YTHDC2: variants seen among roughly 807,000 people sequenced by gnomAD.
YTHDC2 encodes the protein YTH N6-methyladenosine RNA binding protein C2, also known as 3'-5' RNA helicase YTHDC2.
YTHDC2 carries 45 observed loss-of-function variants against 174.9 expected under a neutral mutation model. The observed-to-expected ratio is 0.26, with a 90% confidence interval of 0.20 to 0.33. The LOEUF (loss-of-function observed/expected upper bound fraction) is 0.33. YTHDC2 is among the 10% of genes least tolerant of loss of function. The pLI is 1.00. For missense variants in YTHDC2, 1,650 were observed against 1,723.7 expected (o/e 0.96, Z 0.76); for synonymous variants, 657 against 574.5 (o/e 1.14, Z -2.05).
In YTHDC2 at chr5:113,594,723, CATG is replaced by C. The variant is rs1561721195; in HGVS notation, c.*1252_*1254del. Reference sequence around the variant, plus strand: ...AATAGACAGGTTTGATGGCACTTCTCATGATACATTTTAGTTATTCTTATAAAA... The same window carrying C: ...AATAGACAGGTTTGATGGCACTTCTCATACATTTTAGTTATTCTTATAAAA... On this transcript the variant is annotated 3_prime_UTR_variant, in exon 30 of 30. Transcript: ENST00000161863. The C allele has an allele frequency of 6.6e-6, 1 of 152,146 alleles. No homozygotes were observed. The highest frequency in any genetic ancestry group is 1.5e-5 in the Non-Finnish European group (1 of 68,022). The allele number at this position is 152,146 out of a possible 1,614,324, so 9.4% of individuals were successfully genotyped here.
In YTHDC2 at chr5:113,591,200, A is replaced by G. The variant is rs780887564; in HGVS notation, c.3985A>G (p.Ile1329Val). The change falls in exon 27 of 30, where the codon ATA (isoleucine) becomes GTA (valine). Residue 1329 changes from isoleucine (I) to valine (V), a missense_variant. Transcript: ENST00000161863. ...KLNRAFWESS[I>V]VYLVFSVQGS... ...AAATCGAGCCTTTTGGGAAAGCAGC[A>G]TAGTTTACTTGGTATTTTCTGTTCA... 4 of 1,613,958 alleles carry G rather than the reference A, an allele frequency of 2.5e-6. No homozygotes were observed. Among genetic ancestry groups the G allele is most frequent in the South Asian group, 2.2e-5 (2 of 91,080 alleles).
Position 113,548,549 on chromosome 5 carries a change from A to G in YTHDC2, c.1504A>G (p.Arg502Gly). 1.3e-6 allele frequency: 2 copies of G among 1,595,014 alleles called. No homozygotes were observed. Among genetic ancestry groups the G allele is most frequent in the Non-Finnish European group, 1.7e-6 (2 of 1,174,212 alleles). ...ILTENVSVDYRHSETSATALM... is the reference protein window; with the variant it reads ...ILTENVSVDYGHSETSATALM... Reference sequence around the variant, plus strand: ...TCTTTTCCTTTTTTTAGTTGATTACAGACATAGTGAAACCAGTGCAACAGC... The same window carrying G: ...TCTTTTCCTTTTTTTAGTTGATTACGGACATAGTGAAACCAGTGCAACAGC... The change falls in exon 11 of 30, where the codon AGA (arginine) becomes GGA (glycine). Residue 502 changes from arginine (R) to glycine (G), a missense_variant. This residue lies in a region of YTHDC2 where 411 missense variants were observed against 380.6 expected (regional missense o/e 1.08). Coordinates refer to ENST00000161863, the MANE Select transcript of YTHDC2 (RefSeq NM_022828.5).
At chr5:113,521,820 CAA>C (rs59402463) in intron 2 of YTHDC2, among the ~76,000 whole-genome samples, 4,416 of 118,548 alleles carry the variant, frequency 0.037, 100 homozygotes, top group East Asian at 0.1. Flanking sequence ...GACTCTGTCT[CAA>C]AAAAAAAAAA....
At position 113,584,406 on chromosome 5, in the gene YTHDC2, C is replaced by T. The variant is rs764918921; in HGVS notation, c.3752C>T (p.Ser1251Phe). ...KRGTEDRSDQ[S>F]SLKSTDSSSY... ...GGTACTGAGGACCGATCAGATCAGT[C>T]TTCTCTGAAATCTACAGACAGCAGT... Residue 1251 changes from serine to phenylalanine, a missense_variant, in exon 26 of 30, where the codon TCT (serine) becomes TTT (phenylalanine). Around this residue, in one of 5 missense-constraint regions of YTHDC2, gnomAD observed 913 missense variants for 940.4 expected, o/e 0.97. Coordinates refer to ENST00000161863, the MANE Select transcript of YTHDC2 (RefSeq NM_022828.5). 2 of 1,613,934 alleles carry T rather than the reference C, an allele frequency of 1.2e-6. No individual in the cohort carries two copies. The highest frequency in any genetic ancestry group is 4.5e-5 in the East Asian group (2 of 44,858).
At position 113,539,813 on chromosome 5, in the gene YTHDC2, A is replaced by T. The variant is rs1051145839; in HGVS notation, c.1210+632A>T. ...TTTGGATTTTCCCCTTGAAAAATGT[A>T]ATCAGCAATGCTGATTTCATTGGGA... is the stretch of plus-strand genomic sequence containing the variant. On this transcript the variant is annotated intron_variant, in intron 8 of 29. Coordinates refer to ENST00000161863, the MANE Select transcript of YTHDC2 (RefSeq NM_022828.5). Among the ~76,000 whole-genome samples, 13 of 152,282 alleles carry T rather than the reference A, an allele frequency of 8.5e-5. 1 individual carries two copies. Among genetic ancestry groups the T allele is most frequent in the Admixed American group, 8.5e-4 (13 of 15,294 alleles).
chr5:113,535,501 T>A, intron 6 of YTHDC2, 141 bp from the exon 7 acceptor site: 1 of 730,358 alleles, frequency 1.4e-6, no homozygotes, highest in Non-Finnish European at 2.0e-6. Context: ...ATTCCTGTAA[T>A]ACAAAATTTT....
chr5:113,553,470 T>G, intron 13 of YTHDC2, 111 bp downstream of exon 13: 1 of 1,408,290 alleles, frequency 7.1e-7, no homozygotes, highest in African/African-American at 1.5e-5. Flanking sequence ...GTGAATAATC[T>G]CCTGTCATCT....
rs1380377987 is a variant in YTHDC2 at position 113,513,977 on chromosome 5, G to T, written c.82G>T (p.Gly28Trp). The change falls in exon 1 of 30, where the codon GGG (glycine) becomes TGG (tryptophan). Residue 28 changes from glycine to tryptophan, a missense_variant. Physicochemically the swap from Gly to Trp is radical, Grantham distance 184 (BLOSUM62 -2). Transcript: ENST00000161863. ...GGGGPSPCGP[G>W]GGGRAKGLKD... ...CGGCGGCCCCTCGCCTTGTGGCCCT[G>T]GGGGCGGCGGCCGGGCCAAGGGGCT... is the stretch of plus-strand genomic sequence containing the variant. The T allele has an allele frequency of 1.9e-6, 3 of 1,602,898 alleles. No individual in the cohort carries two copies. Among genetic ancestry groups the T allele is most frequent in the African/African-American group, 1.3e-5 (1 of 74,702 alleles).
chr5:113,519,837 C>T (rs1342521285), intron 2 of YTHDC2, among the ~76,000 whole-genome samples: 4 of 152,090 alleles, frequency 2.6e-5, no homozygotes, highest in Non-Finnish European at 5.9e-5. Context: ...ACACAAATGC[C>T]ATTCAGAGGT....
chr5:113,528,490 A>G (rs948534491), intron 4 of YTHDC2, among the ~76,000 whole-genome samples: 1 of 152,086 alleles, frequency 6.6e-6, no homozygotes, highest in African/African-American at 2.4e-5. Context: ...TGAAACTTGA[A>G]CATTGTGGAA....
chr5:113,532,744 T>C, intron 4 of YTHDC2, 135 bp from the exon 5 acceptor site: 1 of 711,610 alleles, frequency 1.4e-6, no homozygotes, highest in Non-Finnish European at 2.2e-6. Context: ...ACTAGTTACA[T>C]GAATGTTGTT....
chr5:113,548,838 T>C (rs992601285), intron 11 of YTHDC2, 117 bp from the exon 12 acceptor site: 8 of 1,162,164 alleles, frequency 6.9e-6, no homozygotes, highest in Middle Eastern at 2.6e-4. Flanking sequence ...CTATAATTTA[T>C]CTTATTTTTT....
intron 4 of YTHDC2, among the ~76,000 whole-genome samples, chr5:113,531,882 A>G (rs1248059418): frequency 6.6e-6 from 1 of 152,164 alleles, no homozygotes; most frequent in East Asian, 1.9e-4. Context: ...TGTTGGTAGG[A>G]GTATAAATTG....
intron 23 of YTHDC2, among the ~76,000 whole-genome samples, chr5:113,569,821 T>C (rs941331907): frequency 1.2e-4 from 19 of 152,202 alleles, no homozygotes; most frequent in Non-Finnish European, 1.0e-4. Context: ...GTCTTGGCTA[T>C]ATGGTCTCTT....
chr5:113,536,686 A>G (rs921812620), intron 7 of YTHDC2, among the ~76,000 whole-genome samples: 14 of 152,160 alleles, frequency 9.2e-5, no homozygotes, highest in African/African-American at 3.4e-4. Context: ...TTTTTACTTA[A>G]TGTAAGAACA....
At chr5:113,575,892 G>A (rs915872699) in intron 23 of YTHDC2, among the ~76,000 whole-genome samples, 2 of 152,152 alleles carry the variant, frequency 1.3e-5, no homozygotes, top group African/African-American at 4.8e-5. Context: ...GATATGAAGA[G>A]AAGTAGATAT....
At position 113,541,071 on chromosome 5, in the gene YTHDC2, G is replaced by A. The variant is rs76261225; in HGVS notation, c.1314G>A (p.Glu438=). The change falls in exon 9 of 30, where the codon GAG becomes GAA. Residue 438 remains glutamate (E), a synonymous_variant. Coordinates refer to ENST00000161863, the MANE Select transcript of YTHDC2 (RefSeq NM_022828.5). The stretch of plus-strand genomic sequence containing the variant: ...GAACTGTTCTAAATGTGACTGATGA[G>A]TATGACTTACTGGATGATGGTGGTG... ...RQRTVLNVTD[E]YDLLDDGGDA... 923 of 1,614,122 alleles carry A rather than the reference G, an allele frequency of 5.7e-4. 3 individuals are homozygous for A. In the African/African-American group the frequency reaches 0.011, roughly 20 times the overall value.
chr5:113,561,231 A>G (rs1306202839), intron 18 of YTHDC2, 46 bp downstream of exon 18: 1 of 1,475,254 alleles, frequency 6.8e-7, no homozygotes, highest in Non-Finnish European at 9.3e-7. Flanking sequence ...GGGTGAGGGA[A>G]GTGAGGGGCC....
rs543135681 is a variant in YTHDC2 at position 113,534,002 on chromosome 5, G to A, written c.843-303G>A. Among the ~76,000 whole-genome samples the A allele has an allele frequency of 7.9e-5, 12 of 152,196 alleles. No homozygotes were observed. The South Asian group carries it at 1.7e-3, about 21-fold the overall frequency. Reference sequence around the variant, plus strand: ...TAGTACTTTTTTTATTCTCAGTGGTGATTAAAAAATCTGATTCCATTTGTA... The same window carrying A: ...TAGTACTTTTTTTATTCTCAGTGGTAATTAAAAAATCTGATTCCATTTGTA... On this transcript the variant is annotated intron_variant, in intron 5 of 29. Coordinates refer to ENST00000161863, the MANE Select transcript of YTHDC2 (RefSeq NM_022828.5).
Sources: allele counts gnomAD v4.1 joint callset (sites outside exome capture counted in the v4.1 genomes callset), GRCh38; gene constraint gnomAD v4.1.1; regional missense constraint gnomAD v4.1.1; transcripts MANE v1.5; gene names NCBI Gene and HGNC (gene_info 2026-07-23, HGNC 2026-07-21).